ASPG: variants seen among roughly 807,000 people sequenced by gnomAD.
ASPG encodes 60 kDa lysophospholipase.
A neutral mutation model predicts 63.2 loss-of-function variants in ASPG; 53 were observed. The ratio of observed to expected loss-of-function variants is 0.84; its 90% confidence interval spans 0.67 to 1.05. The LOEUF is 1.05. Among genes scored for constraint, ASPG ranks in the 50% least tolerant of loss-of-function variants. The pLI, the probability that ASPG is intolerant of heterozygous loss-of-function variation, is 0.00. For synonymous variants in ASPG, 370 were observed against 355.0 expected (o/e 1.04, Z -0.48); for missense variants, 741 against 794.4 (o/e 0.93, Z 0.81).
Position 104,112,712 on chromosome 14 carries a change from A to T in ASPG, c.*168A>T. 1 of 1,455,416 alleles carries T rather than the reference A, an allele frequency of 6.9e-7. No individual in the cohort carries two copies. 90.2% of individuals were successfully genotyped at this position (1,455,416 alleles called of 1,614,324 possible). A position where few individuals can be genotyped will look rare whatever the true frequency, so the allele number is the denominator to read the frequency against. ...ATAAAGTCTCTGACATCCCCTCACC[A>T]GGTCTGTACAGCCTGGCTCTGAGAG... On this transcript the variant is annotated 3_prime_UTR_variant, in exon 16 of 16. Coordinates refer to ENST00000551177, the MANE Select transcript of ASPG (RefSeq NM_001080464.3).
At position 104,103,554 on chromosome 14, in the gene ASPG, T is replaced by C; in HGVS notation, c.641-9T>C. 5.2e-6 allele frequency: 8 copies of C among 1,547,448 alleles called. No homozygotes were observed. The highest frequency in any genetic ancestry group is 7.0e-6 in the Non-Finnish European group (8 of 1,146,292). ...TGAAGGCACCACACAGGCCCTTCCC[T>C]GTCCTCAGTCAACAGGGAGCTGGTG... On this transcript the variant is annotated splice_polypyrimidine_tract_variant and intron_variant, in intron 6 of 15. Coordinates refer to ENST00000551177, the MANE Select transcript of ASPG (RefSeq NM_001080464.3).
intron 1 of ASPG, among the ~76,000 whole-genome samples, chr14:104,092,027 G>T (rs2036384949): frequency 6.6e-6 from 1 of 152,082 alleles, no homozygotes; most frequent in Non-Finnish European, 1.5e-5. Context: ...CTGTGTGCTA[G>T]GCCCTCCAGG....
chr14:104,101,839 G>A (rs1424646114), intron 6 of ASPG, among the ~76,000 whole-genome samples: 1 of 152,210 alleles, frequency 6.6e-6, no homozygotes. Flanking sequence ...CGGCTCCTGT[G>A]CTGAGCTCCC....
chr14:104,099,984 T>TC (rs2036800262), intron 6 of ASPG, among the ~76,000 whole-genome samples: 1 of 152,194 alleles, frequency 6.6e-6, no homozygotes, highest in South Asian at 2.1e-4. Flanking sequence ...ACACTGGGCT[T>TC]CTGTCCAGGC....
At chr14:104,087,160 G>A (rs984089819) in intron 1 of ASPG, among the ~76,000 whole-genome samples, 3 of 152,278 alleles carry the variant, frequency 2.0e-5, no homozygotes, top group East Asian at 1.9e-4. Context: ...AGTGGGGCTC[G>A]TCCACGAGGG....
At chr14:104,092,008 G>T (rs1470824548) in intron 1 of ASPG, among the ~76,000 whole-genome samples, 1 of 152,098 alleles carries the variant, frequency 6.6e-6, no homozygotes, top group Non-Finnish European at 1.5e-5. Context: ...CAGCCCGTCT[G>T]TGCACTTGCT....
chr14:104,113,561 C>T lies in ASPG; in HGVS notation c.*1017C>T. The T allele has an allele frequency of 6.5e-6, 1 of 152,680 alleles. No individual in the cohort carries two copies. The highest frequency in any genetic ancestry group is 1.5e-5 in the Non-Finnish European group (1 of 68,280). The allele number at this position is 152,680 out of a possible 1,614,324, so 9.5% of individuals were successfully genotyped here. On this transcript the variant is annotated 3_prime_UTR_variant, in exon 16 of 16. Coordinates refer to ENST00000551177, the MANE Select transcript of ASPG (RefSeq NM_001080464.3). ...CTGGGTGTGAGGAGCATGGGGGCTG[C>T]CTCCCTCCAGGCCTCTCTACCTGCC...
chr14:104,090,538 C>T (rs756795770), intron 1 of ASPG, among the ~76,000 whole-genome samples: 4 of 152,276 alleles, frequency 2.6e-5, no homozygotes, highest in South Asian at 2.1e-4. Context: ...GGCACCGCTC[C>T]GTCCTGACGC....
At position 104,105,577 on chromosome 14, in the gene ASPG, C is replaced by T. The variant is rs530812774; in HGVS notation, c.1173+127C>T. On this transcript the variant is annotated intron_variant, in intron 10 of 15. Transcript: ENST00000551177. ...TCGAGCCCAAACAGTTAGGCACACCCGGGTTCTGGGGCCCAGGAGGAGGGT... is the reference window on the plus strand; with the variant it reads ...TCGAGCCCAAACAGTTAGGCACACCTGGGTTCTGGGGCCCAGGAGGAGGGT... 3.1e-3 allele frequency: 4,035 copies of T among 1,307,718 alleles called. 14 individuals carry two copies. Among genetic ancestry groups the T allele is most frequent in the Non-Finnish European group, 3.7e-3 (3,629 of 981,046 alleles). The allele number at this position is 1,307,718 out of a possible 1,614,324, so 81.0% of individuals were successfully genotyped here.
At chr14:104,105,032 C>G (rs2037060777) in intron 9 of ASPG, 2 of 581,344 alleles carry the variant, frequency 3.4e-6, no homozygotes, top group Non-Finnish European at 6.1e-6. Context: ...CTGCTCTCCA[C>G]TCTTCCTCGA....
chr14:104,099,060 G>T, intron 6 of ASPG, 81 bp downstream of exon 6: 1 of 1,506,476 alleles, frequency 6.6e-7, no homozygotes, highest in African/African-American at 1.4e-5. Flanking sequence ...CTCGTGGCTG[G>T]GACTCGGCAG....
intron 3 of ASPG, among the ~76,000 whole-genome samples, chr14:104,093,848 G>T (rs2036475179): frequency 6.9e-6 from 1 of 145,560 alleles, no homozygotes; most frequent in Admixed American, 6.8e-5. Flanking sequence ...GGCTGTGGGT[G>T]TGGGGTGGGC....
chr14:104,104,859 G>A lies in ASPG; in HGVS notation c.1050+124G>A, dbSNP rs566674465. 2.0e-4 allele frequency: 165 copies of A among 807,500 alleles called. No individual in the cohort carries two copies. The African/African-American group carries it at 2.8e-3, about 14-fold the overall frequency. 50.0% of individuals were successfully genotyped at this position (807,500 alleles called of 1,614,324 possible). On this transcript the variant is annotated intron_variant, in intron 9 of 15. Coordinates refer to ENST00000551177, the MANE Select transcript of ASPG (RefSeq NM_001080464.3). ...GCCGGTCCAGGGTGTGTCCTGTTTG[G>A]GAAGGGGAGGGATGTGGCTCCCTAT...
At chr14:104,108,564 G>T in intron 12 of ASPG, 3 of 985,416 alleles carry the variant, frequency 3.0e-6, no homozygotes, top group South Asian at 9.4e-5. Context: ...GATCTGTGGT[G>T]CTTTGCAGGG....
At chr14:104,103,186 C>T (rs2036956395) in intron 6 of ASPG, among the ~76,000 whole-genome samples, 1 of 152,254 alleles carries the variant, frequency 6.6e-6, no homozygotes, top group African/African-American at 2.4e-5. Context: ...GCCTGACGCC[C>T]CCATGCGGCC....
At chr14:104,106,936 T>C in intron 11 of ASPG, 42 bp downstream of exon 11, 1 of 1,523,946 alleles carries the variant, frequency 6.6e-7, no homozygotes, top group South Asian at 1.2e-5. Context: ...CAGCCACGCC[T>C]GGCCTGGGGG....
At chr14:104,111,181 G>A (rs954056285) in intron 13 of ASPG, 2 of 985,196 alleles carry the variant, frequency 2.0e-6, no homozygotes, top group African/African-American at 3.5e-5. Context: ...TCGTGTGTGT[G>A]TGCATGTGTA....
intron 5 of ASPG, among the ~76,000 whole-genome samples, chr14:104,098,312 A>G (rs914912496): frequency 4.6e-5 from 7 of 152,132 alleles, no homozygotes; most frequent in Non-Finnish European, 1.0e-4. Flanking sequence ...TCCCTCCCCC[A>G]TGTCTTTCCC....
chr14:104,097,199 C>T (rs2036633165), intron 4 of ASPG, among the ~76,000 whole-genome samples: 1 of 152,190 alleles, frequency 6.6e-6, no homozygotes, highest in African/African-American at 2.4e-5. Flanking sequence ...GCTCTTGGAC[C>T]TGTAGAGGGA....
Sources: allele counts gnomAD v4.1 joint callset (sites outside exome capture counted in the v4.1 genomes callset), GRCh38; gene constraint gnomAD v4.1.1; transcripts MANE v1.5; gene names NCBI Gene and HGNC (gene_info 2026-07-23, HGNC 2026-07-21).